Variants in GALNT17 observed in about 807,000 individuals in gnomAD.
The protein encoded by GALNT17 is polypeptide N-acetylgalactosaminyltransferase 17.
GALNT17 carries 29 observed loss-of-function variants against 63.7 expected under a neutral mutation model. That is an observed-to-expected ratio of 0.46 (90% CI 0.34 to 0.62). The LOEUF (loss-of-function observed/expected upper bound fraction) is 0.62. Ranked by LOEUF, GALNT17 falls within the 20% of genes least tolerant of loss-of-function variation. GALNT17 has a pLI of 0.01. For synonymous variants in GALNT17, 305 were observed against 318.3 expected, an observed-to-expected ratio of 0.96 and a Z score of 0.45; for missense variants, 603 against 799.6, an observed-to-expected ratio of 0.75 and a Z score of 2.97.
chr7:71,247,470 T>G (rs895915554), intron 1 of GALNT17, among the ~76,000 whole-genome samples: 6 of 152,108 alleles, frequency 3.9e-5, no homozygotes, highest in African/African-American at 1.4e-4. Flanking sequence ...TTTTTTTCTT[T>G]TTTGAGATGG....
chr7:71,661,508 G>A (rs1387074646), intron 6 of GALNT17, among the ~76,000 whole-genome samples: 2 of 152,164 alleles, frequency 1.3e-5, no homozygotes, highest in Admixed American at 6.5e-5. Flanking sequence ...TCACACAAGA[G>A]GTGCCGCTAA....
chr7:71,262,314 T>C (rs714523), intron 1 of GALNT17, among the ~76,000 whole-genome samples: 42,252 of 151,818 alleles, frequency 0.28, 6,198 homozygotes, highest in South Asian at 0.38. Context: ...CAGACTGTCA[T>C]TATGTTGTCC....
intron 6 of GALNT17, among the ~76,000 whole-genome samples, chr7:71,619,241 G>T (rs1476234822): frequency 6.6e-6 from 1 of 152,090 alleles, no homozygotes; most frequent in African/African-American, 2.4e-5. Flanking sequence ...CTCCAGTTTT[G>T]TTCTTTTAGC....
intron 5 of GALNT17, among the ~76,000 whole-genome samples, chr7:71,530,874 T>G (rs1049966861): frequency 1.3e-5 from 2 of 152,092 alleles, no homozygotes; most frequent in African/African-American, 2.4e-5. Context: ...GGCCAAGAAT[T>G]TTATTTTTAA....
chr7:71,244,164 G>T (rs774005610), intron 1 of GALNT17, among the ~76,000 whole-genome samples: 3 of 152,166 alleles, frequency 2.0e-5, no homozygotes, highest in Non-Finnish European at 2.9e-5. Context: ...GCTCTGCTCC[G>T]TCCAGATCCT....
intron 5 of GALNT17, among the ~76,000 whole-genome samples, chr7:71,464,708 G>A (rs1215134562): frequency 1.3e-5 from 2 of 152,106 alleles, no homozygotes; most frequent in African/African-American, 4.8e-5. Flanking sequence ...TCCCCACTTG[G>A]TCCGTGGACA....
At position 71,397,956 on chromosome 7, in the gene GALNT17, G is replaced by A. The variant is rs937737950; in HGVS notation, c.589+9555G>A. ...CATTATTGTCTTTGTTGTTGTTGTTGTTGTTGTTGTTGTTGTTGTTGTTTT... is the reference window on the plus strand; with the variant it reads ...CATTATTGTCTTTGTTGTTGTTGTTATTGTTGTTGTTGTTGTTGTTGTTTT... On this transcript the variant is annotated intron_variant, in intron 3 of 10. Coordinates refer to ENST00000333538, the MANE Select transcript of GALNT17 (RefSeq NM_022479.3). Among the ~76,000 whole-genome samples, 405 of 150,314 alleles carry A rather than the reference G, an allele frequency of 2.7e-3. 1 individual carries two copies. Among genetic ancestry groups the A allele is most frequent in the African/African-American group, 9.2e-3 (381 of 41,342 alleles).
At chr7:71,389,962 G>A (rs1343255327) in intron 3 of GALNT17, among the ~76,000 whole-genome samples, 1 of 152,154 alleles carries the variant, frequency 6.6e-6, no homozygotes, top group Non-Finnish European at 1.5e-5. Context: ...TTGGACAAAG[G>A]CGTGGCATCC....
intron 9 of GALNT17, among the ~76,000 whole-genome samples, chr7:71,684,629 C>T (rs1791325092): frequency 6.6e-6 from 1 of 152,148 alleles, no homozygotes; most frequent in South Asian, 2.1e-4. Context: ...TCCAACTACT[C>T]TGTCTGGTAA....
chr7:71,663,522 C>T (rs1033321492), intron 6 of GALNT17, among the ~76,000 whole-genome samples: 2 of 152,168 alleles, frequency 1.3e-5, no homozygotes, highest in African/African-American at 2.4e-5. Context: ...CTGGGTCTAA[C>T]CTAACATGCG....
chr7:71,199,103 C>T (rs1342696797), intron 1 of GALNT17, among the ~76,000 whole-genome samples: 1 of 152,190 alleles, frequency 6.6e-6, no homozygotes, highest in Non-Finnish European at 1.5e-5. Flanking sequence ...TGAGATACAT[C>T]TGTCTTATCT....
At chr7:71,254,312 A>G (rs1440988040) in intron 1 of GALNT17, among the ~76,000 whole-genome samples, 2 of 152,270 alleles carry the variant, frequency 1.3e-5, no homozygotes, top group African/African-American at 2.4e-5. Flanking sequence ...TATTGGACAT[A>G]AAAGGGTGCC....
chr7:71,680,780 TTCTTTTC>T (rs1437410009), intron 9 of GALNT17, among the ~76,000 whole-genome samples: 19 of 143,962 alleles, frequency 1.3e-4, no homozygotes, highest in African/African-American at 4.9e-4. Context: ...CTTCCTTTCT[TTCTTTTC>T]CCTTCCTTCC....
chr7:71,353,187 A>G (rs1267697927), intron 2 of GALNT17, among the ~76,000 whole-genome samples: 1 of 152,150 alleles, frequency 6.6e-6, no homozygotes, highest in Admixed American at 6.5e-5. Context: ...CAAGAATACT[A>G]CAAAAAATTC....
At chr7:71,690,814 G>A (rs550460950) in intron 9 of GALNT17, among the ~76,000 whole-genome samples, 2 of 152,308 alleles carry the variant, frequency 1.3e-5, no homozygotes, top group South Asian at 2.1e-4. Flanking sequence ...CCAAAATGGA[G>A]CCCGTAGATG....
Position 71,665,598 on chromosome 7 carries a change from T to A in GALNT17, c.1266+2T>A. On this transcript the variant is annotated splice_donor_variant, in intron 7 of 10. Coordinates refer to ENST00000333538, the MANE Select transcript of GALNT17 (RefSeq NM_022479.3). LOFTEE classifies it high-confidence loss of function. The stretch of plus-strand genomic sequence containing the variant: ...ATAGCGTGGAACCTGCCGCTGGAGG[T>A]AGGGATCACCAGCCTTTCCCCACCA... 1 of 1,611,968 alleles carries A rather than the reference T, an allele frequency of 6.2e-7. No homozygotes were observed. The highest frequency in any genetic ancestry group is 1.1e-5 in the South Asian group (1 of 90,614).
chr7:71,459,783 A>G (rs1327617305), intron 5 of GALNT17, among the ~76,000 whole-genome samples: 1 of 152,032 alleles, frequency 6.6e-6, no homozygotes. Flanking sequence ...ATTACCTGAC[A>G]GTCTAGCACC....
chr7:71,188,821 G>T (rs1247458982), intron 1 of GALNT17, among the ~76,000 whole-genome samples: 1 of 152,128 alleles, frequency 6.6e-6, no homozygotes, highest in Non-Finnish European at 1.5e-5. Context: ...CACAGCTTTG[G>T]ATGTGTCACT....
chr7:71,402,214 CATT>C (rs1475973627), intron 3 of GALNT17, among the ~76,000 whole-genome samples: 1 of 152,194 alleles, frequency 6.6e-6, no homozygotes, highest in East Asian at 1.9e-4. Flanking sequence ...GTGCTCATGA[CATT>C]ATTTGATTTG....
Sources: gnomAD v4.1 joint callset for allele counts (sites outside exome capture counted in the v4.1 genomes callset) on GRCh38, gnomAD v4.1.1 for gene constraint, MANE v1.5 for transcripts, NCBI Gene and HGNC (gene_info 2026-07-23, HGNC 2026-07-21) for gene names.